Variants in PTPN22 observed in about 807,000 individuals in gnomAD.
PTPN22 encodes the protein tyrosine-protein phosphatase non-receptor type 22.
PTPN22 carries 85 observed loss-of-function variants against 103.3 expected under a neutral mutation model. The ratio of observed to expected loss-of-function variants is 0.82; its 90% CI spans 0.69 to 0.99. The LOEUF is 0.99. Ranked by LOEUF, PTPN22 falls within the 50% of genes least tolerant of loss-of-function variation. The pLI, the probability that PTPN22 is intolerant of heterozygous loss-of-function variation, is 0.00. For missense variants in PTPN22, 865 were observed against 936.9 expected (o/e 0.92, Z 1.00); for synonymous variants, 323 against 310.2 (o/e 1.04, Z -0.43).
intron 19 of PTPN22, among the ~76,000 whole-genome samples, chr1:113,821,883 A>C (rs1661646239): frequency 6.6e-6 from 1 of 152,230 alleles, no homozygotes; most frequent in South Asian, 2.1e-4. Flanking sequence ...GTTAAATATT[A>C]GGGCATGACA....
chr1:113,839,287 C>A (rs1663304076), intron 11 of PTPN22, among the ~76,000 whole-genome samples: 1 of 152,060 alleles, frequency 6.6e-6, no homozygotes, highest in Non-Finnish European at 1.5e-5. Context: ...GCTGTATTGC[C>A]CAGTCTGGCC....
At chr1:113,854,869 G>T in intron 8 of PTPN22, 38 bp downstream of exon 8, 1 of 1,593,004 alleles carries the variant, frequency 6.3e-7, no homozygotes, top group Non-Finnish European at 8.6e-7. Flanking sequence ...CTGACATTTG[G>T]TTCATTTTGG....
intron 19 of PTPN22, 92 bp from the exon 20 acceptor site, chr1:113,819,746 A>G: frequency 5.5e-6 from 4 of 723,378 alleles, no homozygotes; most frequent in Non-Finnish European, 8.3e-6. Flanking sequence ...AGAGTAATTA[A>G]TAATCCCAAA....
At position 113,862,957 on chromosome 1, in the gene PTPN22, G is replaced by A. The variant is rs537807696; in HGVS notation, c.88-3497C>T. Among the ~76,000 whole-genome samples, 11 of 152,192 alleles carry A rather than the reference G, an allele frequency of 7.2e-5. No homozygotes were observed. The South Asian group carries it at 8.3e-4, about 11-fold the overall frequency. ...CTTCAACAAGACTGACAAACTTATC[G>A]AGGTTAGTTTCCAGTGCAATAGTGG... is the stretch of plus-strand genomic sequence containing the variant. On this transcript the variant is annotated intron_variant, in intron 1 of 20. Coordinates refer to ENST00000359785, the Ensembl canonical transcript of PTPN22.
chr1:113,820,214 G>A (rs1449221319), intron 19 of PTPN22, among the ~76,000 whole-genome samples: 1 of 152,044 alleles, frequency 6.6e-6, no homozygotes, highest in Non-Finnish European at 1.5e-5. Context: ...AGTACTTTGG[G>A]AGGCTGAGGC....
exon 14 of PTPN22, chr1:113,834,987 G>A: frequency 6.5e-7 from 1 of 1,543,580 alleles, no homozygotes; most frequent in Non-Finnish European, 8.7e-7. Context: ...TATCCTTGGA[G>A]CAGTTGCTAT....
intron 18 of PTPN22, among the ~76,000 whole-genome samples, chr1:113,826,846 T>G (rs4991898): frequency 0.56 from 83,651 of 149,714 alleles, 24,110 homozygotes; most frequent in South Asian, 0.65. Flanking sequence ...ATTTTTTGTA[T>G]TTTTAGTAGA....
exon 17 of PTPN22, chr1:113,829,961 C>G (rs1662414865): frequency 6.2e-7 from 1 of 1,601,484 alleles, no homozygotes; most frequent in African/African-American, 1.3e-5. Flanking sequence ...TCTTCATCGG[C>G]AAGAAAGAAG....
chr1:113,871,068 G>A (rs1309242727), intron 1 of PTPN22, among the ~76,000 whole-genome samples: 1 of 152,020 alleles, frequency 6.6e-6, no homozygotes, highest in Non-Finnish European at 1.5e-5. Context: ...AAAAAACTGT[G>A]GCAGTGGGTA....
At chr1:113,837,888 G>C (rs1663161791) in exon 13 of PTPN22, 1 of 1,614,092 alleles carries the variant, frequency 6.2e-7, no homozygotes, top group African/African-American at 1.3e-5. Context: ...GGTGTTTAGA[G>C]TCATATGGCA....
At chr1:113,867,359 C>T (rs375090385) in intron 1 of PTPN22, among the ~76,000 whole-genome samples, 1 of 152,178 alleles carries the variant, frequency 6.6e-6, no homozygotes, top group South Asian at 2.1e-4. Context: ...TAAATTTCAT[C>T]TCTATGGCTG....
chr1:113,863,458 G>A (rs114218683), intron 1 of PTPN22, among the ~76,000 whole-genome samples: 110 of 152,304 alleles, frequency 7.2e-4, no homozygotes, highest in African/African-American at 2.5e-3. Flanking sequence ...CCTAGTGAGA[G>A]GCTGGAGATG....
Position 113,856,369 on chromosome 1 carries a change from A to C in PTPN22, c.540+13T>G, listed in dbSNP as rs1665072098. 6.4e-7 allele frequency: 1 copy of C among 1,551,350 alleles called. No homozygotes were observed. ...ATAGGCTTTTGAGTTTATCATTCTT[A>C]TTTTATACTTACACTATTGAACTTA... On this transcript the variant is annotated intron_variant, in intron 7 of 20. Coordinates refer to ENST00000359785, the Ensembl canonical transcript of PTPN22.
At chr1:113,848,571 T>C (rs1664294644) in exon 11 of PTPN22, 1 of 1,613,644 alleles carries the variant, frequency 6.2e-7, no homozygotes, top group Non-Finnish European at 8.5e-7. Flanking sequence ...TCTGATAACA[T>C]CCATCTGTCT....
intron 18 of PTPN22, 146 bp downstream of exon 18, chr1:113,829,446 C>T: frequency 1.2e-5 from 6 of 484,728 alleles, no homozygotes; most frequent in South Asian, 4.1e-5. Context: ...TTTTCGTTTC[C>T]TTCTATTAAT....
chr1:113,843,232 G>A (rs1254521355), intron 11 of PTPN22, among the ~76,000 whole-genome samples: 3 of 151,702 alleles, frequency 2.0e-5, no homozygotes, highest in Non-Finnish European at 4.4e-5. Context: ...CATTACAGCA[G>A]CCAAAAAGTG....
chr1:113,858,631 G>A, intron 3 of PTPN22, 58 bp from the exon 4 acceptor site: 1 of 1,009,270 alleles, frequency 9.9e-7, no homozygotes, highest in Non-Finnish European at 1.4e-6. Flanking sequence ...TTCTCACCTA[G>A]TCCTCCGCTT....
intron 16 of PTPN22, among the ~76,000 whole-genome samples, chr1:113,830,632 G>C (rs1008043844): frequency 6.6e-6 from 1 of 152,150 alleles, no homozygotes; most frequent in Non-Finnish European, 1.5e-5. Context: ...AAACTGAACA[G>C]TCTGGATATT....
rs1664904798 is a variant in PTPN22 at position 113,854,806 on chromosome 1, T to C, written c.683+101A>G. Reference sequence around the variant, plus strand: ...ATGCTTAGGTTGAATTTATTATCGTTTGTTTTTGCTATTAACCTTTTCCCC... The same window carrying C: ...ATGCTTAGGTTGAATTTATTATCGTCTGTTTTTGCTATTAACCTTTTCCCC... On this transcript the variant is annotated intron_variant, in intron 8 of 20. Coordinates refer to ENST00000359785, the Ensembl canonical transcript of PTPN22. The C allele has an allele frequency of 1.7e-5, 24 of 1,380,936 alleles. No individual in the cohort carries two copies. The South Asian group carries it at 3.4e-4, about 19-fold the overall frequency. The allele number at this position is 1,380,936 out of a possible 1,614,324, so 85.5% of individuals were successfully genotyped here. A position where few individuals can be genotyped will look rare whatever the true frequency, so the allele number is the denominator to read the frequency against.
Sources: allele counts gnomAD v4.1 joint callset (sites outside exome capture counted in the v4.1 genomes callset), GRCh38; gene constraint gnomAD v4.1.1; transcripts MANE v1.5; gene names NCBI Gene and HGNC (gene_info 2026-07-23, HGNC 2026-07-21).